EFCAB10: variants seen among roughly 807,000 people sequenced by gnomAD.
EFCAB10 encodes the protein EF-hand calcium binding domain 10.
Under a neutral mutation model 7.7 loss-of-function variants are expected in EFCAB10, and 7 were observed. The ratio of observed to expected loss-of-function variants is 0.91; its 90% CI spans 0.52 to 1.72. EFCAB10 has a LOEUF of 1.72. Ranked by LOEUF, EFCAB10 falls within the 40% of genes most tolerant of loss-of-function variation. The probability of loss-of-function intolerance (pLI) is 0.00; values close to 1 mark genes in which losing one functional copy is unlikely to be tolerated. For synonymous variants in EFCAB10, 52 were observed against 21.0 expected, an observed-to-expected ratio of 2.47 and a Z score of -4.03; for missense variants, 112 against 61.5, an observed-to-expected ratio of 1.82 and a Z score of -2.74.
At chr7:105,578,874 G>A (rs1792151848) in intron 1 of EFCAB10, among the ~76,000 whole-genome samples, 1 of 152,210 alleles carries the variant, frequency 6.6e-6, no homozygotes, top group Non-Finnish European at 1.5e-5. Flanking sequence ...CCAGGTTCAA[G>A]TGATTCTCCT....
intron 3 of EFCAB10, 179 bp from the exon 4 acceptor site, chr7:105,567,669 T>A (rs555363176): frequency 3.8e-6 from 2 of 519,990 alleles, no homozygotes; most frequent in African/African-American, 1.9e-5. Context: ...TAAATTTTTT[T>A]AAAACTCCCT....
chr7:105,575,935 G>A (rs942766501), intron 1 of EFCAB10, among the ~76,000 whole-genome samples: 1 of 152,078 alleles, frequency 6.6e-6, no homozygotes, highest in African/African-American at 2.4e-5. Flanking sequence ...TACTAGGGAG[G>A]CTGAGGCAGG....
At position 105,569,204 on chromosome 7, in the gene EFCAB10, C is replaced by G; in HGVS notation, c.358G>C (p.Val120Leu). 1 of 700,686 alleles carries G rather than the reference C, an allele frequency of 1.4e-6. No individual in the cohort carries two copies. The highest frequency in any genetic ancestry group is 2.6e-6 in the Non-Finnish European group (1 of 384,926). 43.4% of individuals were successfully genotyped at this position (700,686 alleles called of 1,614,324 possible). Residue 120 changes from valine to leucine, a missense_variant and splice_region_variant, in exon 3 of 5, where the codon GTG becomes CTG. Physicochemically the swap from Val to Leu is conservative, Grantham distance 32 (BLOSUM62 1). Coordinates refer to ENST00000480514, the MANE Select transcript of EFCAB10 (RefSeq NM_001355526.2). ...KITLDKFKEE[V>L]NKRMKEI ...TTTGTCACTTAAAAATAAACTTACA[C>G]TTCCTCCTTGAATTTATCCAAAGTT...
chr7:105,577,905 T>G (rs542309806), intron 1 of EFCAB10, among the ~76,000 whole-genome samples: 2 of 152,238 alleles, frequency 1.3e-5, no homozygotes, highest in South Asian at 4.1e-4. Context: ...AGAGACAGCA[T>G]TTCACTGTGC....
intron 1 of EFCAB10, among the ~76,000 whole-genome samples, chr7:105,575,050 G>A (rs1284611545): frequency 6.6e-6 from 1 of 151,608 alleles, no homozygotes; most frequent in Admixed American, 6.6e-5. Flanking sequence ...AGGAGGTGGG[G>A]GTTGCGGTGA....
Position 105,578,945 on chromosome 7 carries a change from G to A in EFCAB10, c.106+2413C>T, listed in dbSNP as rs1792154212. Among the ~76,000 whole-genome samples the A allele has an allele frequency of 3.3e-5, 5 of 152,096 alleles. No homozygotes were observed. In the South Asian group the frequency reaches 1.0e-3, roughly 32 times the overall value. The stretch of plus-strand genomic sequence containing the variant: ...ATGCCACCATGCCTGGCTAATTTTT[G>A]TATTTTTAGTAGAGATGGGGTTTCA... On this transcript the variant is annotated intron_variant, in intron 1 of 4. Transcript: ENST00000480514.
chr7:105,570,211 CAAAAAAAAAAAAAA>C (rs1178986135), intron 1 of EFCAB10, among the ~76,000 whole-genome samples: 5 of 17,356 alleles, frequency 2.9e-4, no homozygotes, highest in African/African-American at 6.3e-4. Flanking sequence ...AAGACTCTCT[CAAAAAAAAAAAAAA>C]AAAAAAAAAA....
At position 105,576,324 on chromosome 7, in the gene EFCAB10, A is replaced by G. The variant is rs190762430; in HGVS notation, c.106+5034T>C. Among the ~76,000 whole-genome samples, 28 of 152,310 alleles carry G rather than the reference A, an allele frequency of 1.8e-4. No individual in the cohort carries two copies. The East Asian group carries it at 5.0e-3, about 27-fold the overall frequency. On this transcript the variant is annotated intron_variant, in intron 1 of 4. Coordinates refer to ENST00000480514, the MANE Select transcript of EFCAB10 (RefSeq NM_001355526.2). ...CAACAGCACTGCATACATACTCTGC[A>G]TGCCAGCCCACCCCTTCTTTAGCTT... is the stretch of plus-strand genomic sequence containing the variant.
intron 1 of EFCAB10, among the ~76,000 whole-genome samples, chr7:105,580,896 A>G (rs1792214324): frequency 6.6e-6 from 1 of 152,170 alleles, no homozygotes; most frequent in Admixed American, 6.5e-5. Context: ...AACATCTTCT[A>G]TCCTACCCTA....
chr7:105,574,531 C>T lies in EFCAB10; in HGVS notation c.107-4960G>A, dbSNP rs1030921089. ...ACGGAATCTCGCTCTGTTGCCCAGG[C>T]TGGAGTGCAGAGGCGCGATCTTGGC... On this transcript the variant is annotated intron_variant, in intron 1 of 4. Coordinates refer to ENST00000480514, the MANE Select transcript of EFCAB10 (RefSeq NM_001355526.2). Among the ~76,000 whole-genome samples, 4 of 151,778 alleles carry T rather than the reference C, an allele frequency of 2.6e-5. No homozygotes were observed. The East Asian group carries it at 7.8e-4, about 30-fold the overall frequency.
intron 3 of EFCAB10, among the ~76,000 whole-genome samples, chr7:105,568,602 C>T (rs1014045425): frequency 2.6e-5 from 4 of 152,098 alleles, no homozygotes; most frequent in African/African-American, 9.7e-5. Context: ...GTTGTCCTAG[C>T]ATATTGGTGC....
At chr7:105,578,790 T>C (rs572054447) in intron 1 of EFCAB10, among the ~76,000 whole-genome samples, 1 of 152,356 alleles carries the variant, frequency 6.6e-6, no homozygotes, top group Admixed American at 6.5e-5. Context: ...TTTTATTTTA[T>C]GAGACAGAGT....
rs149957479 is a variant in EFCAB10 at position 105,579,376 on chromosome 7, T to G, written c.106+1982A>C. 5.6e-3 allele frequency among the ~76,000 whole-genome samples: 856 copies of G among 152,120 alleles called. 4 individuals carry two copies. Among genetic ancestry groups the G allele is most frequent in the African/African-American group, 0.019 (770 of 41,490 alleles). On this transcript the variant is annotated intron_variant, in intron 1 of 4. Transcript: ENST00000480514. Reference sequence around the variant, plus strand: ...GGGTACGGGGTTTGGGTGGTGGTGGTGGGGGTAATTACCCAATGAATGCAA... The same window carrying G: ...GGGTACGGGGTTTGGGTGGTGGTGGGGGGGGTAATTACCCAATGAATGCAA...
At chr7:105,571,768 A>G (rs967308646) in intron 1 of EFCAB10, 7 of 152,364 alleles carry the variant, frequency 4.6e-5, no homozygotes, top group Admixed American at 4.6e-4. Context: ...TTCAATGGGA[A>G]ATCATTAGCA....
chr7:105,567,404 A>G (rs1791815203), intron 4 of EFCAB10, 63 bp downstream of exon 4: 1 of 855,166 alleles, frequency 1.2e-6, no homozygotes, highest in Non-Finnish European at 1.9e-6. Flanking sequence ...TGAATTAATG[A>G]AACTGGAAAA....
chr7:105,570,753 G>C (rs940160548), intron 1 of EFCAB10, among the ~76,000 whole-genome samples: 1 of 152,034 alleles, frequency 6.6e-6, no homozygotes, highest in Non-Finnish European at 1.5e-5. Context: ...AGCTGGGCAC[G>C]GTGGCTCACG....
chr7:105,577,798 C>T (rs1586292994), intron 1 of EFCAB10, among the ~76,000 whole-genome samples: 2 of 151,676 alleles, frequency 1.3e-5, no homozygotes, highest in South Asian at 4.2e-4. Flanking sequence ...CAGCTCACTG[C>T]AACCTCTGCC....
At chr7:105,569,865 A>G (rs1015526677) in intron 1 of EFCAB10, among the ~76,000 whole-genome samples, 1 of 152,064 alleles carries the variant, frequency 6.6e-6, no homozygotes, top group Admixed American at 6.6e-5. Flanking sequence ...AGGGTTGAAA[A>G]CCAAAAACAT....
At position 105,569,548 on chromosome 7, in the gene EFCAB10, A is replaced by T. The variant is rs1451991137; in HGVS notation, c.130T>A (p.Ser44Thr). 14 of 694,122 alleles carry T rather than the reference A, an allele frequency of 2.0e-5. No homozygotes were observed. In the East Asian group the frequency reaches 3.8e-4, roughly 19 times the overall value. 43.0% of individuals were successfully genotyped at this position (694,122 alleles called of 1,614,324 possible). Residue 44 changes from serine to threonine, a missense_variant, in exon 2 of 5, where the codon TCT becomes ACT. Transcript: ENST00000480514. ...RPEKPKEYLI[S>T]LLERLRIAKV... ...GCAATTCTCAGTCGTTCCAATAGAG[A>T]TATTAAATATTCTTTTGGTTTTTCT...
Sources: gnomAD v4.1 joint callset for allele counts (sites outside exome capture counted in the v4.1 genomes callset) on GRCh38, gnomAD v4.1.1 for gene constraint, MANE v1.5 for transcripts, NCBI Gene and HGNC (gene_info 2026-07-23, HGNC 2026-07-21) for gene names.